The following UGGT2 variants were observed in gnomAD, a reference collection of about 807,000 sequenced individuals.
The protein encoded by UGGT2 is UDP-glucose:glycoprotein glucosyltransferase 2.
UGGT2 carries 180 observed loss-of-function variants against 192.1 expected under a neutral mutation model. The observed-to-expected ratio is 0.94, with a 90% CI of 0.83 to 1.06. The LOEUF (loss-of-function observed/expected upper bound fraction) is 1.06. Among genes scored for constraint, UGGT2 ranks in the 50% least tolerant of loss-of-function variants. The pLI is 0.00. For missense variants in UGGT2, 1,849 were observed against 1,795.7 expected, an observed-to-expected ratio of 1.03 and a Z score of -0.54; for synonymous variants, 580 against 591.0, an observed-to-expected ratio of 0.98 and a Z score of 0.27.
rs894431507 is a variant in UGGT2 at position 95,986,584 on chromosome 13, A to C, written c.932-152T>G. The C allele has an allele frequency of 5.9e-6, 3 of 506,834 alleles. No individual in the cohort carries two copies. In the African/African-American group the frequency reaches 6.0e-5, roughly 10 times the overall value. The allele number at this position is 506,834 out of a possible 1,614,324, so 31.4% of individuals were successfully genotyped here. ...TACATCTGCATTTTTAAAAAGTTTT[A>C]AATGTAAAGTTATCACTTATTTCCA... is the stretch of plus-strand genomic sequence containing the variant. On this transcript the variant is annotated intron_variant, in intron 8 of 38. Transcript: ENST00000376747.
At chr13:95,992,025 T>C (rs1023396077) in intron 7 of UGGT2, among the ~76,000 whole-genome samples, 3 of 151,754 alleles carry the variant, frequency 2.0e-5, no homozygotes, top group African/African-American at 7.2e-5. Flanking sequence ...TAGCTGGGAG[T>C]GGTGGCAGAC....
intron 20 of UGGT2, among the ~76,000 whole-genome samples, chr13:95,924,311 AAT>A (rs1469511602): frequency 6.6e-6 from 1 of 151,470 alleles, no homozygotes; most frequent in African/African-American, 2.4e-5. Context: ...CCTCTGAAAG[AAT>A]ATACACACCC....
At chr13:96,015,802 T>C (rs1248384528) in intron 4 of UGGT2, among the ~76,000 whole-genome samples, 1 of 152,228 alleles carries the variant, frequency 6.6e-6, no homozygotes, top group Non-Finnish European at 1.5e-5. Context: ...AAGATATATG[T>C]ACAAGGAAGT....
Position 95,902,652 on chromosome 13 carries a change from A to ACC in UGGT2, c.2502+201_2502+202insGG, listed in dbSNP as rs1216288025. 3.3e-5 allele frequency among the ~76,000 whole-genome samples: 5 copies of ACC among 152,044 alleles called. No homozygotes were observed. The East Asian group carries it at 9.7e-4, about 29-fold the overall frequency. On this transcript the variant is annotated intron_variant, in intron 21 of 38. Coordinates refer to ENST00000376747, the MANE Select transcript of UGGT2 (RefSeq NM_020121.4). Reference sequence around the variant, plus strand: ...TTTAAGAATCATGAAGTAGTTAATGAAACATATGAAATCTGATTTACTAAA... The same window carrying ACC: ...TTTAAGAATCATGAAGTAGTTAATGACCAACATATGAAATCTGATTTACTAAA...
intron 8 of UGGT2, among the ~76,000 whole-genome samples, chr13:95,987,039 C>CT (rs1566796985): frequency 1.3e-5 from 2 of 152,084 alleles, no homozygotes; most frequent in Admixed American, 6.6e-5. Context: ...AGATTTAAAA[C>CT]TAAATTCTTT....
intron 10 of UGGT2, among the ~76,000 whole-genome samples, chr13:95,975,538 G>T (rs1788062): frequency 0.86 from 130,940 of 152,180 alleles, 56,588 homozygotes; most frequent in East Asian, 0.93. Context: ...AAAGTGCAAT[G>T]AAACTAGCAG....
chr13:95,966,265 C>T (rs773265168), intron 12 of UGGT2, among the ~76,000 whole-genome samples: 2 of 152,052 alleles, frequency 1.3e-5, no homozygotes, highest in African/African-American at 2.4e-5. Context: ...CTGGAGGTCA[C>T]TGTGTTAAGT....
chr13:95,948,240 CACACACACACACAT>C (rs1256613443), intron 13 of UGGT2, among the ~76,000 whole-genome samples, 159 bp from the exon 14 acceptor site: 2 of 151,700 alleles, frequency 1.3e-5, no homozygotes, highest in East Asian at 3.9e-4. Flanking sequence ...CACACACACA[CACACACACACACAT>C]ATAAAGGATT....
At chr13:95,990,359 T>C (rs2051418185) in intron 7 of UGGT2, 1 of 176,220 alleles carries the variant, frequency 5.7e-6, no homozygotes, top group South Asian at 2.0e-4. Flanking sequence ...GGCAGACTTA[T>C]GTTTTCATAT....
chr13:96,037,174 T>C (rs1027707532), intron 1 of UGGT2, among the ~76,000 whole-genome samples: 1 of 152,142 alleles, frequency 6.6e-6, no homozygotes, highest in Admixed American at 6.5e-5. Context: ...AATTAAGGTA[T>C]GCATACTGTA....
intron 1 of UGGT2, among the ~76,000 whole-genome samples, chr13:96,033,960 G>A (rs562927607): frequency 1.3e-5 from 2 of 152,206 alleles, no homozygotes; most frequent in Non-Finnish European, 2.9e-5. Flanking sequence ...CCACCTTCAA[G>A]CTAAGGACAA....
chr13:95,825,209 A>G (rs369071539), intron 38 of UGGT2, among the ~76,000 whole-genome samples: 3 of 152,110 alleles, frequency 2.0e-5, no homozygotes, highest in Non-Finnish European at 4.4e-5. Flanking sequence ...ATTTCTCCCC[A>G]GTATTTTATT....
In UGGT2 at chr13:96,025,734, C is replaced by T. The variant is rs983962577; in HGVS notation, c.242-1975G>A. On this transcript the variant is annotated intron_variant, in intron 2 of 38. Coordinates refer to ENST00000376747, the MANE Select transcript of UGGT2 (RefSeq NM_020121.4). ...ATTCCAGCCCCTTCACAGCTCTTGA[C>T]AAAAAGCTCAGAAATGAGATGACCA... 2.0e-5 allele frequency among the ~76,000 whole-genome samples: 3 copies of T among 151,956 alleles called. No homozygotes were observed. In the South Asian group the frequency reaches 6.2e-4, roughly 32 times the overall value.
At chr13:96,045,419 C>G (rs2053280740) in intron 1 of UGGT2, among the ~76,000 whole-genome samples, 1 of 152,124 alleles carries the variant, frequency 6.6e-6, no homozygotes, top group South Asian at 2.1e-4. Context: ...CCTCTGAGAA[C>G]TGGAACAAGG....
chr13:95,863,764 G>A (rs1309026931), intron 30 of UGGT2, 50 bp from the exon 31 acceptor site: 2 of 1,424,974 alleles, frequency 1.4e-6, no homozygotes, highest in Admixed American at 3.4e-5. Context: ...TAAATATTGT[G>A]CTGTATGGTT....
intron 20 of UGGT2, among the ~76,000 whole-genome samples, chr13:95,904,558 T>G (rs947502549): frequency 6.6e-6 from 1 of 151,472 alleles, no homozygotes; most frequent in African/African-American, 2.4e-5. Flanking sequence ...TGGTTTTTTG[T>G]TCTTGCGATA....
At chr13:95,997,074 CTG>C (rs1193166096) in intron 6 of UGGT2, among the ~76,000 whole-genome samples, 3 of 152,110 alleles carry the variant, frequency 2.0e-5, no homozygotes, top group Non-Finnish European at 4.4e-5. Context: ...TTCTGAGACT[CTG>C]AATCTCTAGG....
At chr13:95,903,825 CAACAGAT>C (rs2140298067) in intron 20 of UGGT2, among the ~76,000 whole-genome samples, 1 of 152,272 alleles carries the variant, frequency 6.6e-6, no homozygotes, top group South Asian at 2.1e-4. Flanking sequence ...TACATACTAG[CAACAGAT>C]AACAAACAGT....
rs77099974 is a variant in UGGT2 at position 95,866,036 on chromosome 13, T to C, written c.3558+1303A>G. 1.8e-4 allele frequency among the ~76,000 whole-genome samples: 27 copies of C among 152,078 alleles called. No individual in the cohort carries two copies. The East Asian group carries it at 5.2e-3, about 29-fold the overall frequency. On this transcript the variant is annotated intron_variant, in intron 30 of 38. Coordinates refer to ENST00000376747, the MANE Select transcript of UGGT2 (RefSeq NM_020121.4). Reference sequence around the variant, plus strand: ...AATCTTAGACTTTCACACTAGCGTGTGTGTGTGTGTGTGTGTTAATGCTCT... The same window carrying C: ...AATCTTAGACTTTCACACTAGCGTGCGTGTGTGTGTGTGTGTTAATGCTCT...
Sources: gnomAD v4.1 joint callset for allele counts (sites outside exome capture counted in the v4.1 genomes callset) on GRCh38, gnomAD v4.1.1 for gene constraint, MANE v1.5 for transcripts, NCBI Gene and HGNC (gene_info 2026-07-23, HGNC 2026-07-21) for gene names.